SMCO2: variants seen among roughly 807,000 people sequenced by gnomAD.
SMCO2 encodes single-pass membrane and coiled-coil domain-containing protein 2.
Under a neutral mutation model 29.5 loss-of-function variants are expected in SMCO2, and 25 were observed. The observed-to-expected ratio is 0.85, with a 90% CI of 0.62 to 1.18. The LOEUF (loss-of-function observed/expected upper bound fraction) is 1.18. SMCO2 is among the 50% of genes most tolerant of loss of function. SMCO2 has a pLI of 0.00. For synonymous variants in SMCO2, 117 were observed against 123.3 expected (o/e 0.95, Z 0.34); for missense variants, 348 against 344.5 (o/e 1.01, Z -0.08).
intron 6 of SMCO2, 104 bp from the exon 8 acceptor site, chr12:27,495,575 TG>T: frequency 1.8e-6 from 2 of 1,083,584 alleles, no homozygotes; most frequent in Non-Finnish European, 1.2e-6. Flanking sequence ...ATTTCTAATG[TG>T]GGCCCCCAAG....
chr12:27,463,103 C>G (rs550622128), upstream of SMCO2, among the ~76,000 whole-genome samples: 2 of 152,282 alleles, frequency 1.3e-5, no homozygotes, highest in East Asian at 3.9e-4. Context: ...GAGGTTACAT[C>G]ACTGGATGAG....
chr12:27,436,768 A>G, the SMCO2 span, among the ~76,000 whole-genome samples: 6 of 152,318 alleles, frequency 3.9e-5, no homozygotes, highest in Non-Finnish European at 7.4e-5. Context: ...AGCTAAGAGT[A>G]AGGTGGTAAG....
the SMCO2 span, among the ~76,000 whole-genome samples, chr12:27,437,958 C>T: frequency 3.5e-3 from 536 of 152,224 alleles, 23 homozygotes; most frequent in East Asian, 0.07. Context: ...CCTTAGGCCC[C>T]ATGTCTTTCT....
At chr12:27,459,891 G>C in the SMCO2 span, among the ~76,000 whole-genome samples, 1 of 152,204 alleles carries the variant, frequency 6.6e-6, no homozygotes, top group African/African-American at 2.4e-5. Flanking sequence ...AGATGAAAAA[G>C]AGGCAGGAAA....
At chr12:27,499,652 G>A (rs189073267) in intron 7 of SMCO2, among the ~76,000 whole-genome samples, 19 of 150,838 alleles carry the variant, frequency 1.3e-4, no homozygotes, top group South Asian at 2.1e-4. Context: ...TTCACGTATC[G>A]CTTTATTGTG....
chr12:27,479,875 G>A (rs962411624), intron 4 of SMCO2, among the ~76,000 whole-genome samples: 20 of 147,374 alleles, frequency 1.4e-4, no homozygotes, highest in African/African-American at 4.5e-4. Flanking sequence ...CATAAATTAC[G>A]CAGTCTCACA....
chr12:27,459,267 C>T, the SMCO2 span, among the ~76,000 whole-genome samples: 2 of 151,476 alleles, frequency 1.3e-5, no homozygotes, highest in African/African-American at 4.9e-5. Flanking sequence ...CCACAGACTA[C>T]TACATAGCCA....
At chr12:27,496,683 G>A (rs1461765280) in intron 7 of SMCO2, among the ~76,000 whole-genome samples, 2 of 150,654 alleles carry the variant, frequency 1.3e-5, no homozygotes, top group African/African-American at 2.5e-5. Context: ...AACCCAGGTA[G>A]AATCTCAGCT....
At chr12:27,444,498 G>A in the SMCO2 span, among the ~76,000 whole-genome samples, 1 of 152,108 alleles carries the variant, frequency 6.6e-6, no homozygotes, top group Non-Finnish European at 1.5e-5. Flanking sequence ...AGACAATTGG[G>A]ATTACATCCA....
chr12:27,480,647 G>A (rs779537108), intron 4 of SMCO2, among the ~76,000 whole-genome samples: 5 of 152,042 alleles, frequency 3.3e-5, no homozygotes, highest in African/African-American at 7.2e-5. Context: ...TAATGAGTGC[G>A]TTCTTGATCC....
the SMCO2 span, among the ~76,000 whole-genome samples, chr12:27,431,887 G>C: frequency 1.3e-5 from 2 of 152,042 alleles, no homozygotes. Context: ...CAGTGCATAA[G>C]GGTTCCAGTT....
At chr12:27,451,580 G>A in the SMCO2 span, among the ~76,000 whole-genome samples, 4 of 152,162 alleles carry the variant, frequency 2.6e-5, no homozygotes, top group African/African-American at 9.7e-5. Flanking sequence ...TCTCCACAAA[G>A]CACCTCACAG....
At chr12:27,447,775 C>T in the SMCO2 span, among the ~76,000 whole-genome samples, 1 of 150,728 alleles carries the variant, frequency 6.6e-6, no homozygotes, top group Non-Finnish European at 1.5e-5. Context: ...TCCAGACCTC[C>T]TGAATCAGAA....
the SMCO2 span, among the ~76,000 whole-genome samples, chr12:27,442,093 TC>T: frequency 2.0e-5 from 3 of 151,944 alleles, no homozygotes; most frequent in Non-Finnish European, 4.4e-5. Context: ...TAGCAATAAA[TC>T]CCTAGATCAG....
the SMCO2 span, among the ~76,000 whole-genome samples, chr12:27,429,926 T>C: frequency 2.6e-5 from 4 of 152,234 alleles, no homozygotes; most frequent in African/African-American, 9.6e-5. Flanking sequence ...GAGGGAAAAC[T>C]TCTCCACCCC....
chr12:27,439,532 T>C, the SMCO2 span, among the ~76,000 whole-genome samples: 11 of 152,050 alleles, frequency 7.2e-5, no homozygotes, highest in African/African-American at 2.7e-4. Context: ...AGACGGCAAT[T>C]TGTGAGCTCC....
intron 6 of SMCO2, among the ~76,000 whole-genome samples, chr12:27,494,814 C>T (rs754026357): frequency 8.6e-5 from 13 of 151,840 alleles, no homozygotes; most frequent in African/African-American, 3.1e-4. Flanking sequence ...GTCTTATGGC[C>T]TTCCTCCTTC....
intron 4 of SMCO2, among the ~76,000 whole-genome samples, chr12:27,482,395 G>A (rs905355586): frequency 7.2e-5 from 11 of 152,124 alleles, no homozygotes; most frequent in Admixed American, 3.9e-4. Flanking sequence ...TCTGCCTCCC[G>A]GGTTCAAGCA....
At chr12:27,468,680 C>G (rs1416539049) in intron 1 of SMCO2, among the ~76,000 whole-genome samples, 1 of 152,202 alleles carries the variant, frequency 6.6e-6, no homozygotes, top group East Asian at 1.9e-4. Context: ...GAGCCCTGGT[C>G]TAGGTCATCT....
Sources: allele counts gnomAD v4.1 joint callset (sites outside exome capture counted in the v4.1 genomes callset), GRCh38; gene constraint gnomAD v4.1.1; transcripts MANE v1.5; gene names NCBI Gene and HGNC (gene_info 2026-07-23, HGNC 2026-07-21).